The following CCDC88C variants were observed in gnomAD, a reference collection of about 807,000 sequenced individuals.
CCDC88C encodes coiled-coil and HOOK domain protein 88C, also known as protein Daple.
Under a neutral mutation model 198.8 loss-of-function variants are expected in CCDC88C, and 131 were observed. The ratio of observed to expected loss-of-function variants is 0.66; its 90% confidence interval spans 0.57 to 0.76. CCDC88C has a LOEUF of 0.76. Ranked by LOEUF, CCDC88C falls within the 30% of genes least tolerant of loss-of-function variation. CCDC88C has a pLI of 0.00. For missense variants in CCDC88C, 2,553 were observed against 2,631.6 expected (o/e 0.97, Z 0.65); for synonymous variants, 1,166 against 1,114.7 (o/e 1.05, Z -0.92).
rs947559470 is a variant in CCDC88C at position 91,278,329 on chromosome 14, C to T, written c.4769-118G>A. On this transcript the variant is annotated intron_variant, in intron 28 of 29. Coordinates refer to ENST00000389857, the MANE Select transcript of CCDC88C (RefSeq NM_001080414.4). ...AACTATCAGAATAAAATCCCTTGCCCGAAAACCCAGGGCTTATTCCCACCA... is the reference window on the plus strand; with the variant it reads ...AACTATCAGAATAAAATCCCTTGCCTGAAAACCCAGGGCTTATTCCCACCA... The T allele has an allele frequency of 4.8e-5, 49 of 1,029,088 alleles. No individual in the cohort carries two copies. In the Admixed American group the frequency reaches 1.0e-3, roughly 21 times the overall value. The allele number at this position is 1,029,088 out of a possible 1,614,324, so 63.7% of individuals were successfully genotyped here.
rs114519483 is a variant in CCDC88C, at chr14:91,321,699, C to T, written c.1343-395G>A. On this transcript the variant is annotated intron_variant, in intron 12 of 29. Transcript: ENST00000389857. ...ACCCCCCAGAGCATAATGGACATCT[C>T]GGCTGCTCAGCAGGCAGGGGCACGT... Among the ~76,000 whole-genome samples, 1,508 of 152,282 alleles carry T rather than the reference C, an allele frequency of 9.9e-3. 25 individuals are homozygous for T. The highest frequency in any genetic ancestry group is 0.034 in the African/African-American group (1,429 of 41,540).
At chr14:91,377,885 C>G (rs1402083981) in intron 3 of CCDC88C, among the ~76,000 whole-genome samples, 1 of 152,086 alleles carries the variant, frequency 6.6e-6, no homozygotes, top group African/African-American at 2.4e-5. Context: ...AAGGGAGGCG[C>G]GCTGCCTCCT....
chr14:91,392,909 G>A (rs1327798269), intron 3 of CCDC88C, among the ~76,000 whole-genome samples: 7 of 152,204 alleles, frequency 4.6e-5, no homozygotes, highest in African/African-American at 1.7e-4. Context: ...AGGGCCAGGG[G>A]TGTGATGACG....
rs149153395 is a variant in CCDC88C, at chr14:91,363,043, T to C, written c.271-3332A>G. ...TGTAATCCTATGGCCAAAGCTACTC[T>C]CGAGCCATTAACTGGTCCCCTTAAA... On this transcript the variant is annotated intron_variant, in intron 3 of 29. Coordinates refer to ENST00000389857, the MANE Select transcript of CCDC88C (RefSeq NM_001080414.4). Among the ~76,000 whole-genome samples the C allele has an allele frequency of 3.0e-3, 449 of 152,176 alleles. 3 individuals are homozygous for C. Among genetic ancestry groups the C allele is most frequent in the African/African-American group, 0.01 (424 of 41,512 alleles).
At chr14:91,382,528 T>C (rs564807373) in intron 3 of CCDC88C, among the ~76,000 whole-genome samples, 1 of 152,320 alleles carries the variant, frequency 6.6e-6, no homozygotes, top group South Asian at 2.1e-4. Context: ...CAGCTCAGCG[T>C]GTTTCCCTTT....
intron 3 of CCDC88C, among the ~76,000 whole-genome samples, chr14:91,372,890 C>G (rs1423711725): frequency 1.3e-5 from 2 of 152,138 alleles, no homozygotes; most frequent in Non-Finnish European, 2.9e-5. Flanking sequence ...GAAGTCAGGC[C>G]CCCGGAGGTG....
chr14:91,413,217 G>C (rs548122142), intron 2 of CCDC88C, among the ~76,000 whole-genome samples: 1 of 152,178 alleles, frequency 6.6e-6, no homozygotes, highest in African/African-American at 2.4e-5. Flanking sequence ...GTACACGTAC[G>C]TATGTCCACA....
chr14:91,307,137 G>T lies in CCDC88C; in HGVS notation c.3096C>A (p.Ala1032=). Residue 1032 remains alanine (A), a synonymous_variant, in exon 18 of 30, where the codon GCC becomes GCA. Coordinates refer to ENST00000389857, the MANE Select transcript of CCDC88C (RefSeq NM_001080414.4). ...AGGCCTCCTTCCCCTGGTGACTGGC[G>T]GCTGTCTTCCCCGCAGGGTGCTTGA... ...NSFKHPAGKT[A]ASHQGKEAWG... 1 of 1,613,918 alleles carries T rather than the reference G, an allele frequency of 6.2e-7. No homozygotes were observed.
intron 10 of CCDC88C, among the ~76,000 whole-genome samples, chr14:91,329,267 T>A (rs1014744684): frequency 2.6e-5 from 4 of 152,206 alleles, no homozygotes; most frequent in Admixed American, 2.0e-4. Context: ...CTGAACCTCA[T>A]CACAACTCCT....
In CCDC88C at chr14:91,357,515, G is replaced by A. The variant is rs570905199; in HGVS notation, c.340+2127C>T. On this transcript the variant is annotated intron_variant, in intron 4 of 29. Coordinates refer to ENST00000389857, the MANE Select transcript of CCDC88C (RefSeq NM_001080414.4). ...TCAGTGCCAAGCACAGGGTGGGCGT[G>A]CTAAGGAGTGGCTGTCCCCTCCTTT... 3.9e-5 allele frequency among the ~76,000 whole-genome samples: 6 copies of A among 152,364 alleles called. No individual in the cohort carries two copies. In the South Asian group the frequency reaches 1.2e-3, roughly 32 times the overall value.
intron 3 of CCDC88C, among the ~76,000 whole-genome samples, chr14:91,372,428 GGA>G (rs1894847367): frequency 6.6e-6 from 1 of 151,288 alleles, no homozygotes; most frequent in South Asian, 2.1e-4. Context: ...TGGGAGCAGA[GGA>G]GAGCGGGGAA....
At position 91,318,826 on chromosome 14, in the gene CCDC88C, G is replaced by A. The variant is rs781455100; in HGVS notation, c.1527+2294C>T. On this transcript the variant is annotated intron_variant, in intron 13 of 29. Transcript: ENST00000389857. Reference sequence around the variant, plus strand: ...CCAGCTACTTGGGAGGCCGAGACAGGAGCATCGCTTGAACCCAGGAGATGG... The same window carrying A: ...CCAGCTACTTGGGAGGCCGAGACAGAAGCATCGCTTGAACCCAGGAGATGG... Among the ~76,000 whole-genome samples the A allele has an allele frequency of 1.0e-4, 15 of 149,372 alleles. No individual in the cohort carries two copies. The South Asian group carries it at 1.3e-3, about 13-fold the overall frequency.
Position 91,272,033 on chromosome 14 carries a change from C to CCCTGGGT in CCDC88C, c.*585_*591dup, listed in dbSNP as rs1285453457. The CCCTGGGT allele has an allele frequency of 6.5e-6, 1 of 152,822 alleles. No individual in the cohort carries two copies. Among genetic ancestry groups the CCCTGGGT allele is most frequent in the Non-Finnish European group, 1.5e-5 (1 of 68,182 alleles). 9.5% of individuals were successfully genotyped at this position (152,822 alleles called of 1,614,324 possible). On this transcript the variant is annotated 3_prime_UTR_variant, in exon 30 of 30. Transcript: ENST00000389857. ...CCACCGCCAGCTGCCCTGCAGGCTG[C>CCCTGGGT]CCTGGGTCCTGGGGTAAAGGGAAGT...
chr14:91,387,560 T>C (rs1188799633), intron 3 of CCDC88C, among the ~76,000 whole-genome samples: 1 of 152,196 alleles, frequency 6.6e-6, no homozygotes, highest in Admixed American at 6.5e-5. Flanking sequence ...CTGACAAACC[T>C]GAACTCTCTT....
chr14:91,293,588 GCCTGCCATGGCCCACCT>G, intron 23 of CCDC88C, among the ~76,000 whole-genome samples: 1 of 67,080 alleles, frequency 1.5e-5, no homozygotes, highest in Non-Finnish European at 3.2e-5. Flanking sequence ...CTGTCCCCTC[GCCTGCCATGGCCCACCT>G]CCTGTGGGCC....
intron 24 of CCDC88C, 117 bp from the exon 25 acceptor site, chr14:91,289,460 A>C (rs1235974138): frequency 1.1e-6 from 1 of 873,478 alleles, no homozygotes; most frequent in Non-Finnish European, 1.9e-6. Flanking sequence ...TAGGCCACTC[A>C]CGTGGGGTTC....
At chr14:91,402,332 C>A (rs1365069650) in intron 3 of CCDC88C, among the ~76,000 whole-genome samples, 1 of 152,208 alleles carries the variant, frequency 6.6e-6, no homozygotes, top group African/African-American at 2.4e-5. Context: ...CTTCTTCAAA[C>A]AAAATGTCCA....
chr14:91,361,692 G>C (rs1310137255), intron 3 of CCDC88C, among the ~76,000 whole-genome samples: 2 of 152,160 alleles, frequency 1.3e-5, no homozygotes, highest in African/African-American at 4.8e-5. Flanking sequence ...ATATCTGTAC[G>C]TGTTGGACAA....
chr14:91,378,201 G>A (rs532379977), intron 3 of CCDC88C, among the ~76,000 whole-genome samples: 35 of 152,318 alleles, frequency 2.3e-4, no homozygotes, highest in African/African-American at 7.5e-4. Flanking sequence ...GTGCAAAGCC[G>A]CAAGCTGGCA....
Sources: allele counts gnomAD v4.1 joint callset (sites outside exome capture counted in the v4.1 genomes callset), GRCh38; gene constraint gnomAD v4.1.1; transcripts MANE v1.5; gene names NCBI Gene and HGNC (gene_info 2026-07-23, HGNC 2026-07-21).